Variants in KLHL29 observed in about 807,000 individuals in gnomAD.
The protein encoded by KLHL29 is kelch like family member 29, also known as kelch-like protein 29.
In KLHL29, 21 loss-of-function variants were observed where a neutral mutation model predicts 80.4. The ratio of observed to expected loss-of-function variants is 0.26; its 90% CI spans 0.19 to 0.38. KLHL29 has a LOEUF of 0.38. Ranked by LOEUF, KLHL29 falls within the 10% of genes least tolerant of loss-of-function variation. The probability of loss-of-function intolerance (pLI) is 1.00; values close to 1 mark genes in which losing one functional copy is unlikely to be tolerated. For synonymous variants in KLHL29, 511 were observed against 526.8 expected (o/e 0.97, Z 0.41); for missense variants, 867 against 1,223.9 (o/e 0.71, Z 4.35).
chr2:23,619,101 T>A (rs1572443042), intron 3 of KLHL29, among the ~76,000 whole-genome samples: 1 of 152,300 alleles, frequency 6.6e-6, no homozygotes, highest in East Asian at 1.9e-4. Flanking sequence ...CTGTTGCAGG[T>A]GGGAGGCTCC....
At chr2:23,555,691 C>T (rs923724034) in intron 2 of KLHL29, among the ~76,000 whole-genome samples, 1 of 152,356 alleles carries the variant, frequency 6.6e-6, no homozygotes, top group Admixed American at 6.5e-5. Context: ...CGCCTCATCC[C>T]TCAGAAGTAG....
chr2:23,464,184 G>A (rs912682594), intron 1 of KLHL29, among the ~76,000 whole-genome samples: 7 of 152,166 alleles, frequency 4.6e-5, no homozygotes, highest in Admixed American at 3.3e-4. Context: ...TTTGAAAGTG[G>A]CAAATTGAAT....
At chr2:23,385,895 A>T (rs1666163055) in intron 1 of KLHL29, 115 bp downstream of exon 1, 1 of 150,590 alleles carries the variant, frequency 6.6e-6, no homozygotes, top group Non-Finnish European at 1.5e-5. Flanking sequence ...CGGAACCCGG[A>T]ACCCTGGGCT....
In KLHL29 at chr2:23,642,415, C is replaced by A. The variant is rs775388181; in HGVS notation, c.505C>A (p.Pro169Thr). 9 of 1,485,908 alleles carry A rather than the reference C, an allele frequency of 6.1e-6. No homozygotes were observed. Among genetic ancestry groups the A allele is most frequent in the Non-Finnish European group, 8.1e-6 (9 of 1,112,056 alleles). The allele number at this position is 1,485,908 out of a possible 1,614,324, so 92.0% of individuals were successfully genotyped here. A position where few individuals can be genotyped will look rare whatever the true frequency, so the allele number is the denominator to read the frequency against. The change falls in exon 5 of 14, where the codon CCT (proline) becomes ACT (threonine). Residue 169 changes from proline to threonine, a missense_variant. Coordinates refer to ENST00000486442, the MANE Select transcript of KLHL29 (RefSeq NM_052920.2). The part of the protein sequence containing the change: ...LIAHSYGVAQ[P>T]PTFSPAVNVQ... The stretch of plus-strand genomic sequence containing the variant: ...TGCACACTCCTATGGAGTGGCCCAG[C>A]CTCCCACCTTCAGCCCGGCTGTGAA...
At chr2:23,493,614 C>G (rs1449856829) in intron 2 of KLHL29, among the ~76,000 whole-genome samples, 1 of 151,952 alleles carries the variant, frequency 6.6e-6, no homozygotes, top group Non-Finnish European at 1.5e-5. Flanking sequence ...TATGCTAAAT[C>G]TCTGGGAGCG....
chr2:23,395,295 T>C (rs1666422334), intron 1 of KLHL29, among the ~76,000 whole-genome samples: 1 of 152,144 alleles, frequency 6.6e-6, no homozygotes, highest in African/African-American at 2.4e-5. Context: ...GGGTTCTGCC[T>C]AACCACCTAC....
At chr2:23,701,194 C>CTCCTTTAGCGCCAGCATCTCA (rs6146682) in intron 11 of KLHL29, among the ~76,000 whole-genome samples, 130,647 of 151,966 alleles carry the variant, frequency 0.86, 57,444 homozygotes, top group East Asian at 1. Flanking sequence ...TGGCAACTAT[C>CTCCTTTAGCGCCAGCATCTCA]TCAATGAGCA....
At chr2:23,412,001 G>T (rs1666871318) in intron 1 of KLHL29, among the ~76,000 whole-genome samples, 1 of 152,146 alleles carries the variant, frequency 6.6e-6, no homozygotes, top group Non-Finnish European at 1.5e-5. Flanking sequence ...TGAGAAAAGG[G>T]TGGTGAGAGC....
chr2:23,568,566 G>A (rs2103501050), intron 3 of KLHL29, among the ~76,000 whole-genome samples: 1 of 152,326 alleles, frequency 6.6e-6, no homozygotes, highest in African/African-American at 2.4e-5. Flanking sequence ...ACCAAGAGCA[G>A]CAAGAGAGCA....
At chr2:23,466,825 G>A (rs886510072) in intron 1 of KLHL29, among the ~76,000 whole-genome samples, 2 of 152,202 alleles carry the variant, frequency 1.3e-5, no homozygotes, top group African/African-American at 4.8e-5. Context: ...GCTTACTAGG[G>A]AGGGGAGAGG....
Position 23,562,925 on chromosome 2 carries a change from C to T in KLHL29, c.285+444C>T, listed in dbSNP as rs1667488479. Among the ~76,000 whole-genome samples the T allele has an allele frequency of 6.6e-6, 1 of 152,222 alleles. No homozygotes were observed. Among genetic ancestry groups the T allele is most frequent in the African/African-American group, 2.4e-5 (1 of 41,446 alleles). On this transcript the variant is annotated intron_variant, in intron 3 of 13. Transcript: ENST00000486442. This position sits in a 1 kb window ranked among gnomAD's most constrained non-coding sequence, Gnocchi z 4.5. ...TGATAAACCCACACTTTATTAACCA[C>T]TGGGCCTCGTGTTCTCATATCCGTT...
At chr2:23,588,661 T>C (rs980755800) in intron 3 of KLHL29, among the ~76,000 whole-genome samples, 3 of 152,238 alleles carry the variant, frequency 2.0e-5, no homozygotes, top group Non-Finnish European at 4.4e-5. Flanking sequence ...TCTGAGTCTC[T>C]AGGGCTGTGG....
intron 1 of KLHL29, among the ~76,000 whole-genome samples, chr2:23,453,114 A>AAAAAAAGT (rs1449853923): frequency 6.6e-6 from 1 of 152,046 alleles, no homozygotes; most frequent in Non-Finnish European, 1.5e-5. Context: ...TCATTAAAAA[A>AAAAAAAGT]AAAAAAAGTA....
rs558827809 is a variant in KLHL29, at chr2:23,642,664, G to C, written c.754G>C (p.Val252Leu). The C allele has an allele frequency of 1.3e-6, 2 of 1,548,198 alleles. No homozygotes were observed. Among genetic ancestry groups the C allele is most frequent in the Non-Finnish European group, 8.7e-7 (1 of 1,145,600 alleles). The stretch of plus-strand genomic sequence containing the variant: ...GGTGGCCCGCCCAGGACCCACCGCT[G>C]TGGGCAACGGCCACATGGCAGGGCC... ...GQVARPGPTAVGNGHMAGPLL... is the reference protein window; with the variant it reads ...GQVARPGPTALGNGHMAGPLL... Residue 252 changes from valine to leucine, a missense_variant, in exon 5 of 14, where the codon GTG becomes CTG. By Grantham distance (32) the Val-to-Leu change is conservative. Transcript: ENST00000486442.
chr2:23,516,188 G>A (rs1665916376), intron 2 of KLHL29, among the ~76,000 whole-genome samples: 2 of 152,042 alleles, frequency 1.3e-5, no homozygotes, highest in South Asian at 2.1e-4. Context: ...AAGGAAGTGA[G>A]GAGAGAAGCT....
rs376941795 is a variant in KLHL29, at chr2:23,479,362, TCCATCAACAGGGCTGCAGAC to T, written c.-46+3698_-46+3717del. Among the ~76,000 whole-genome samples the T allele has an allele frequency of 4.2e-3, 635 of 152,140 alleles. 6 individuals carry two copies. Among genetic ancestry groups the T allele is most frequent in the African/African-American group, 0.014 (574 of 41,540 alleles). ...GTGCCCTGCAGCTGCTCCGCACCTT[TCCATCAACAGGGCTGCAGAC>T]CCCCAGCCTGCGCTGTCCACCTCGG... is the stretch of plus-strand genomic sequence containing the variant. On this transcript the variant is annotated intron_variant, in intron 2 of 13. Coordinates refer to ENST00000486442, the MANE Select transcript of KLHL29 (RefSeq NM_052920.2).
At chr2:23,694,432 G>A (rs1671817276) in intron 8 of KLHL29, among the ~76,000 whole-genome samples, 2 of 151,954 alleles carry the variant, frequency 1.3e-5, no homozygotes, top group East Asian at 3.9e-4. Context: ...CCTCTGTCTT[G>A]CTCCCTCCAA....
intron 3 of KLHL29, among the ~76,000 whole-genome samples, chr2:23,576,076 G>A (rs1023096573): frequency 2.6e-5 from 4 of 152,190 alleles, no homozygotes; most frequent in Admixed American, 1.3e-4. Flanking sequence ...AGGCCGAGGC[G>A]GGTGGATCAC....
At chr2:23,570,554 A>G (rs1284689666) in intron 3 of KLHL29, among the ~76,000 whole-genome samples, 1 of 152,188 alleles carries the variant, frequency 6.6e-6, no homozygotes, top group East Asian at 1.9e-4. Context: ...AGGGCCACAC[A>G]GTTTCCCCTT....
Sources: gnomAD v4.1 joint callset for allele counts (sites outside exome capture counted in the v4.1 genomes callset) on GRCh38, gnomAD v4.1.1 for gene constraint, Gnocchi (gnomAD v3.1) non-coding constraint, MANE v1.5 for transcripts, NCBI Gene and HGNC (gene_info 2026-07-23, HGNC 2026-07-21) for gene names.